The following TRIP12 variants were observed in gnomAD, a reference collection of about 807,000 sequenced individuals.
TRIP12 encodes E3 ubiquitin-protein ligase TRIP12.
In TRIP12, 25 loss-of-function variants were observed where a neutral mutation model predicts 244.2. The ratio of observed to expected loss-of-function variants is 0.10; its 90% CI spans 0.07 to 0.14. The LOEUF is 0.14. Among genes scored for constraint, TRIP12 ranks in the 10% least tolerant of loss-of-function variants. The pLI is 1.00. For missense variants in TRIP12, 1,677 were observed against 2,486.4 expected (o/e 0.67, Z 6.92); for synonymous variants, 905 against 873.1 (o/e 1.04, Z -0.64).
Position 229,845,377 on chromosome 2 carries a change from A to T in TRIP12, c.1028-4450T>A, listed in dbSNP as rs141103971. Among the ~76,000 whole-genome samples the T allele has an allele frequency of 3.1e-3, 469 of 152,370 alleles. 4 individuals are homozygous for T. Among genetic ancestry groups the T allele is most frequent in the African/African-American group, 0.011 (443 of 41,580 alleles). On this transcript the variant is annotated intron_variant, in intron 4 of 41. Coordinates refer to ENST00000675903, the MANE Select transcript of TRIP12 (RefSeq NM_001348323.3). ...AGCCTGTGGAACAAATTTGACTGGC[A>T]ACCTGAGCCTCTCAAGCTATGAATG...
rs1194545485 is a variant in TRIP12 at position 229,902,449 on chromosome 2, T to G, written c.-50+19431A>C. ...GAATAGGCAACAAACCACAGCATTA[T>G]TGGCGGTACCTTTAAGTTTGTACCA... On this transcript the variant is annotated intron_variant, in intron 1 of 41. Transcript: ENST00000675903. Among the ~76,000 whole-genome samples the G allele has an allele frequency of 2.0e-5, 3 of 152,210 alleles. No individual in the cohort carries two copies. In the East Asian group the frequency reaches 5.8e-4, roughly 29 times the overall value.
At chr2:229,864,921 G>A (rs927342793) in intron 2 of TRIP12, among the ~76,000 whole-genome samples, 2 of 152,090 alleles carry the variant, frequency 1.3e-5, no homozygotes, top group Non-Finnish European at 1.5e-5. Flanking sequence ...CATTTGTACT[G>A]CTATTTAGTC....
At chr2:229,899,780 A>AG (rs1313980720) in intron 1 of TRIP12, among the ~76,000 whole-genome samples, 1 of 152,222 alleles carries the variant, frequency 6.6e-6, no homozygotes. Flanking sequence ...AGGGAGTTCT[A>AG]GCAAGAGACA....
rs1307351981 is a variant in TRIP12 at position 229,859,055 on chromosome 2, A to G, written c.744T>C (p.Ser248=). 2 of 1,614,116 alleles carry G rather than the reference A, an allele frequency of 1.2e-6. No homozygotes were observed. Among genetic ancestry groups the G allele is most frequent in the Non-Finnish European group, 1.7e-6 (2 of 1,180,054 alleles). Residue 248 remains serine (S), a synonymous_variant, in exon 4 of 42, where the codon TCT becomes TCC. Transcript: ENST00000675903. ...TGGAGGAGGCCGAGGCTACAGCAGA[A>G]GACGAGGAGGAAGTAGAGGCAGCAG... ...SSSAASTSSS[S]SAVASASSTV...
At position 229,778,932 on chromosome 2, in the gene TRIP12, T is replaced by C. The variant is rs1559342557; in HGVS notation, c.5153A>G (p.Gln1718Arg). ...EFYALVSQELQRADLGLWRGE... is the reference protein window; with the variant it reads ...EFYALVSQELRRADLGLWRGE... ...TCTCCAAAGACCCAAGTCAGCTCTCTGTAGTTCCTGAGATACAAGCGCATA... is the reference window on the plus strand; with the variant it reads ...TCTCCAAAGACCCAAGTCAGCTCTCCGTAGTTCCTGAGATACAAGCGCATA... The change falls in exon 35 of 42, where the codon CAG becomes CGG. Residue 1718 changes from glutamine (Q) to arginine (R), a missense_variant. By Grantham distance (43) the Gln-to-Arg change is conservative. Transcript: ENST00000675903. The surrounding 1 kb of genome is among the most constrained non-coding windows in gnomAD (Gnocchi z 4.1). 3 of 1,613,988 alleles carry C rather than the reference T, an allele frequency of 1.9e-6. No homozygotes were observed. The highest frequency in any genetic ancestry group is 2.5e-6 in the Non-Finnish European group (3 of 1,179,864).
At chr2:229,829,403 T>C in intron 7 of TRIP12, 115 bp from the exon 8 acceptor site, 6 of 788,074 alleles carry the variant, frequency 7.6e-6, no homozygotes, top group Non-Finnish European at 1.2e-5. Flanking sequence ...AATGTTACTT[T>C]GCTTTCTGGA....
In TRIP12 at chr2:229,795,075, T is replaced by C; in HGVS notation, c.3968+104A>G. 2.2e-6 allele frequency: 3 copies of C among 1,359,030 alleles called. No homozygotes were observed. The East Asian group carries it at 7.1e-5, about 32-fold the overall frequency. The allele number at this position is 1,359,030 out of a possible 1,614,324, so 84.2% of individuals were successfully genotyped here. Reference sequence around the variant, plus strand: ...TTCTTTCATCATTACAGCTGAATGTTTTCTGGGCCAATCAAGACTTTACCA... The same window carrying C: ...TTCTTTCATCATTACAGCTGAATGTCTTCTGGGCCAATCAAGACTTTACCA... On this transcript the variant is annotated intron_variant, in intron 26 of 41. Transcript: ENST00000675903.
chr2:229,922,381 C>T (rs1194231034), upstream of TRIP12: 10 of 818,740 alleles, frequency 1.2e-5, no homozygotes, highest in Non-Finnish European at 2.0e-5. Context: ...GAAGAGGGGA[C>T]GATCGCCCCA....
rs111434821 is a variant in TRIP12 at position 229,771,636 on chromosome 2, C to A, written c.5695-4G>T. ...TTAGTGCCCAGAATATAACCAGCTG[C>A]AAAAAGAAAGTTTTCAAAAAACTGT... On this transcript the variant is annotated splice_region_variant and splice_polypyrimidine_tract_variant and intron_variant, in intron 38 of 41. Transcript: ENST00000675903. The A allele has an allele frequency of 4.1e-3, 6,640 of 1,610,576 alleles. 235 individuals carry two copies. In the African/African-American group the frequency reaches 0.076, roughly 18 times the overall value.
At chr2:229,790,850 G>A (rs1183920560) in intron 30 of TRIP12, among the ~76,000 whole-genome samples, 2 of 152,084 alleles carry the variant, frequency 1.3e-5, no homozygotes, top group Non-Finnish European at 2.9e-5. Flanking sequence ...AATGAAATTT[G>A]TTTCAACCTT....
intron 1 of TRIP12, among the ~76,000 whole-genome samples, chr2:229,890,141 G>A (rs569314277): frequency 1.6e-4 from 24 of 148,454 alleles, no homozygotes; most frequent in African/African-American, 4.7e-4. Flanking sequence ...GTGCAATGGC[G>A]CAGTCTAGGC....
chr2:229,917,808 A>C (rs145924770), intron 1 of TRIP12, among the ~76,000 whole-genome samples: 2 of 152,308 alleles, frequency 1.3e-5, no homozygotes, highest in African/African-American at 4.8e-5. Flanking sequence ...CTTCCGCTTC[A>C]GCCTCCAAAG....
At chr2:229,800,780 G>A (rs1013436163) in intron 21 of TRIP12, among the ~76,000 whole-genome samples, 2 of 152,062 alleles carry the variant, frequency 1.3e-5, no homozygotes, top group African/African-American at 4.8e-5. Flanking sequence ...TACTGCATTT[G>A]AGCTGGGCAT....
intron 2 of TRIP12, among the ~76,000 whole-genome samples, chr2:229,865,802 T>C (rs914221539): frequency 2.0e-5 from 3 of 152,230 alleles, no homozygotes; most frequent in Non-Finnish European, 4.4e-5. Context: ...TTTAAATAAG[T>C]AACTCACTAA....
intron 31 of TRIP12, 69 bp downstream of exon 31, chr2:229,789,542 T>C: frequency 2.6e-6 from 4 of 1,549,828 alleles, no homozygotes; most frequent in South Asian, 1.2e-5. Flanking sequence ...ACTGTTTCCA[T>C]TTCTAGTGCA....
chr2:229,913,742 T>A (rs1221859146), intron 1 of TRIP12, among the ~76,000 whole-genome samples: 1 of 152,200 alleles, frequency 6.6e-6, no homozygotes, highest in Non-Finnish European at 1.5e-5. Context: ...ACACCTACCA[T>A]GTACAATGCA....
intron 1 of TRIP12, among the ~76,000 whole-genome samples, chr2:229,884,759 A>T (rs139633344): frequency 2.2e-4 from 34 of 152,224 alleles, no homozygotes; most frequent in Non-Finnish European, 3.7e-4. Flanking sequence ...TTGATCCCAG[A>T]AGTTTGAGGC....
intron 5 of TRIP12, among the ~76,000 whole-genome samples, chr2:229,839,332 A>G (rs1001206766): frequency 6.6e-6 from 1 of 152,208 alleles, no homozygotes; most frequent in Non-Finnish European, 1.5e-5. Flanking sequence ...TGATGTTTGC[A>G]TGGCAAAATC....
intron 6 of TRIP12, chr2:229,831,148 T>C (rs1026506800): frequency 8.4e-5 from 60 of 714,990 alleles, no homozygotes; most frequent in Non-Finnish European, 1.4e-4. Flanking sequence ...ATCCCTCTTC[T>C]GAAAGTCAAT....
Sources: allele counts gnomAD v4.1 joint callset (sites outside exome capture counted in the v4.1 genomes callset), GRCh38; gene constraint gnomAD v4.1.1; non-coding constraint Gnocchi (gnomAD v3.1); transcripts MANE v1.5; gene names NCBI Gene and HGNC (gene_info 2026-07-23, HGNC 2026-07-21).